EMSY: variants seen among roughly 807,000 people sequenced by gnomAD.
EMSY encodes the protein BRCA2-interacting transcriptional repressor EMSY.
In EMSY, 26 loss-of-function variants were observed where a neutral mutation model predicts 134.6. That is an observed-to-expected ratio of 0.19 (90% confidence interval 0.14 to 0.27). EMSY has a LOEUF of 0.27. EMSY is among the 10% of genes least tolerant of loss of function. The probability of loss-of-function intolerance (pLI) is 1.00; values close to 1 mark genes in which losing one functional copy is unlikely to be tolerated. For missense variants in EMSY, 1,305 were observed against 1,611.4 expected (o/e 0.81, Z 3.26); for synonymous variants, 579 against 577.8 (o/e 1.00, Z -0.03).
intron 17 of EMSY, among the ~76,000 whole-genome samples, chr11:76,540,894 T>C (rs1005626925): frequency 2.6e-5 from 4 of 152,214 alleles, no homozygotes; most frequent in African/African-American, 9.6e-5. Flanking sequence ...TTCCCAGTAA[T>C]CATATGCATT....
chr11:76,456,961 C>T (rs761703355), intron 4 of EMSY, among the ~76,000 whole-genome samples: 3 of 152,108 alleles, frequency 2.0e-5, no homozygotes, highest in South Asian at 2.1e-4. Context: ...TTATGCTGGT[C>T]GAAGGAGACA....
intron 8 of EMSY, among the ~76,000 whole-genome samples, chr11:76,493,222 G>T (rs1446043630): frequency 6.6e-6 from 1 of 152,186 alleles, no homozygotes; most frequent in African/African-American, 2.4e-5. Flanking sequence ...TGACGTGCCA[G>T]CCCCCTGCCG....
intron 1 of EMSY, among the ~76,000 whole-genome samples, chr11:76,445,474 C>T (rs1018494539): frequency 6.6e-6 from 1 of 152,000 alleles, no homozygotes; most frequent in Non-Finnish European, 1.5e-5. Flanking sequence ...GGGCTTGGGT[C>T]GTGGACTTGA....
intron 8 of EMSY, among the ~76,000 whole-genome samples, chr11:76,484,939 A>C (rs1018092596): frequency 1.3e-5 from 2 of 151,964 alleles, no homozygotes; most frequent in Non-Finnish European, 2.9e-5. Context: ...AAAAAAAAAA[A>C]AAAACCTAGA....
chr11:76,481,381 C>T (rs188409381), intron 8 of EMSY, among the ~76,000 whole-genome samples: 1 of 152,264 alleles, frequency 6.6e-6, no homozygotes, highest in Non-Finnish European at 1.5e-5. Context: ...GCACCTGGAA[C>T]ACCAGCGAGA....
intron 8 of EMSY, among the ~76,000 whole-genome samples, chr11:76,480,333 G>C (rs1214933253): frequency 1.3e-5 from 2 of 152,170 alleles, no homozygotes; most frequent in Non-Finnish European, 2.9e-5. Flanking sequence ...TTACCAGTCT[G>C]TTATTATGGT....
chr11:76,503,537 G>A (rs754516349), intron 9 of EMSY, among the ~76,000 whole-genome samples: 2 of 152,160 alleles, frequency 1.3e-5, no homozygotes, highest in Non-Finnish European at 2.9e-5. Context: ...AACAAATTCT[G>A]TTGGGACAAA....
At chr11:76,542,849 A>G (rs190424204) in intron 18 of EMSY, among the ~76,000 whole-genome samples, 3 of 152,088 alleles carry the variant, frequency 2.0e-5, no homozygotes, top group Admixed American at 2.0e-4. Flanking sequence ...TACATGGTCA[A>G]TTACAGAGGA....
At chr11:76,455,219 T>G (rs1308341271) in intron 4 of EMSY, among the ~76,000 whole-genome samples, 1 of 152,196 alleles carries the variant, frequency 6.6e-6, no homozygotes, top group Non-Finnish European at 1.5e-5. Context: ...TCCTTTCTGA[T>G]TTCTTTAATA....
chr11:76,472,780 G>A (rs1948626016), exon 8 of EMSY: 9 of 1,614,162 alleles, frequency 5.6e-6, no homozygotes, highest in Non-Finnish European at 7.6e-6. Flanking sequence ...TCCTAATACA[G>A]TTGCAGTAAC....
intron 8 of EMSY, among the ~76,000 whole-genome samples, chr11:76,478,340 ATTTT>A (rs371584435): frequency 2.4e-5 from 3 of 122,570 alleles, no homozygotes. Context: ...CATGTGAATA[ATTTT>A]TTTTTTTTTT....
At chr11:76,513,591 C>A in intron 10 of EMSY, 56 bp downstream of exon 11, 1 of 1,575,118 alleles carries the variant, frequency 6.3e-7, no homozygotes, top group Non-Finnish European at 8.7e-7. Flanking sequence ...CAAACAGTTT[C>A]TCTGTACCAG....
intron 18 of EMSY, among the ~76,000 whole-genome samples, chr11:76,543,974 T>C (rs1364779282): frequency 6.6e-6 from 1 of 152,316 alleles, no homozygotes. Flanking sequence ...CTCTTCTTTT[T>C]CCGTGTTTGG....
intron 4 of EMSY, among the ~76,000 whole-genome samples, chr11:76,454,269 C>T (rs191476600): frequency 6.6e-6 from 1 of 152,150 alleles, no homozygotes; most frequent in African/African-American, 2.4e-5. Context: ...TTGTGCTTCA[C>T]TGTCCCTCAT....
At chr11:76,507,857 TTC>T (rs1950135349) in intron 9 of EMSY, among the ~76,000 whole-genome samples, 1 of 113,578 alleles carries the variant, frequency 8.8e-6, no homozygotes, top group East Asian at 3.0e-4. Flanking sequence ...CTTTTTCTTT[TTC>T]TTTTTCTTTT....
chr11:76,495,854 C>T (rs890237512), intron 8 of EMSY, among the ~76,000 whole-genome samples: 3 of 151,874 alleles, frequency 2.0e-5, no homozygotes, highest in Non-Finnish European at 4.4e-5. Context: ...TTAATAAAAT[C>T]GCTTTGTTCT....
chr11:76,453,248 AT>A, intron 3 of EMSY, 65 bp from the exon 4 acceptor site: 1 of 1,474,248 alleles, frequency 6.8e-7, no homozygotes, highest in Non-Finnish European at 9.3e-7. Flanking sequence ...TGACTTAAAC[AT>A]TAATGAAAGT....
chr11:76,515,208 G>C (rs191761705), intron 10 of EMSY, among the ~76,000 whole-genome samples: 5 of 87,986 alleles, frequency 5.7e-5, no homozygotes, highest in South Asian at 3.2e-4. Flanking sequence ...CATTTTTTTG[G>C]GGGGGGGGAG....
chr11:76,464,153 C>G (rs1427408177), intron 7 of EMSY, 73 bp downstream of exon 8: 1 of 1,541,812 alleles, frequency 6.5e-7, no homozygotes, highest in East Asian at 2.3e-5. Context: ...AATAAACATG[C>G]ACTGAGTGCT....
Sources: gnomAD v4.1 joint callset for allele counts (sites outside exome capture counted in the v4.1 genomes callset) on GRCh38, gnomAD v4.1.1 for gene constraint, MANE v1.5 for transcripts, NCBI Gene and HGNC (gene_info 2026-07-23, HGNC 2026-07-21) for gene names.